AGXT2: variants seen among roughly 807,000 people sequenced by gnomAD.
AGXT2 encodes the protein alanine--glyoxylate aminotransferase 2.
In AGXT2, 61 loss-of-function variants were observed where a neutral mutation model predicts 62.5. The observed-to-expected ratio is 0.98, with a 90% confidence interval of 0.79 to 1.21. The LOEUF is 1.21. Ranked by LOEUF, AGXT2 falls within the 50% of genes most tolerant of loss-of-function variation. The probability of loss-of-function intolerance (pLI) is 0.00; values close to 1 mark genes in which losing one functional copy is unlikely to be tolerated. For missense variants in AGXT2, 666 were observed against 641.5 expected (o/e 1.04, Z -0.41); for synonymous variants, 243 against 218.7 (o/e 1.11, Z -0.98).
At chr5:35,014,250 A>T (rs1766760826) in intron 9 of AGXT2, 131 bp from the exon 10 acceptor site, 1 of 1,229,434 alleles carries the variant, frequency 8.1e-7, no homozygotes, top group Admixed American at 1.9e-5. Flanking sequence ...TCAGGAGTTC[A>T]AGACCAGCCT....
In AGXT2 at chr5:35,037,026, C is replaced by T; in HGVS notation, c.402G>A (p.Leu134=). 1.9e-6 allele frequency: 3 copies of T among 1,614,222 alleles called. 1 individual carries two copies. The South Asian group carries it at 3.3e-5, about 18-fold the overall frequency. ...NAVAQKQLGR[L]WHTSTVFFHP... is the part of the protein sequence containing the mutation. ...GGAAGAAGACGGTGCTTGTATGCCA[C>T]AGGCGGCCGAGCTGCTTTTGTGCCA... The change falls in exon 4 of 14, where the codon CTG becomes CTA. Residue 134 remains leucine, a synonymous_variant. Coordinates refer to ENST00000231420, the MANE Select transcript of AGXT2 (RefSeq NM_031900.4).
chr5:35,015,461 CTCTG>C (rs1023991786), intron 9 of AGXT2, among the ~76,000 whole-genome samples: 25 of 152,276 alleles, frequency 1.6e-4, no homozygotes, highest in Admixed American at 5.9e-4. Context: ...CTGCCTGTCT[CTCTG>C]TCTGTCTGTC....
chr5:35,000,636 C>T (rs565379906), intron 13 of AGXT2, among the ~76,000 whole-genome samples: 1 of 152,218 alleles, frequency 6.6e-6, no homozygotes, highest in African/African-American at 2.4e-5. Flanking sequence ...CCGCTTCGGC[C>T]TCCCAAAGTG....
In AGXT2 at chr5:35,040,577, G is replaced by A. The variant is rs770305070; in HGVS notation, c.175C>T (p.Gln59Ter). Residue 59 changes from glutamine to a stop codon, truncating the protein, a stop_gained and splice_region_variant, in exon 2 of 14, where the codon CAG becomes TAG. Coordinates refer to ENST00000231420, the MANE Select transcript of AGXT2 (RefSeq NM_031900.4). LOFTEE classifies it high-confidence loss of function. ...PPCDFMPERY[Q>*]SLGYNRVLEI... ...TTTCTTAAAGCCCTGAATCTCACCT[G>A]GTATCTTTCAGGCATGAAGTCACAT... The A allele has an allele frequency of 1.2e-6, 2 of 1,613,010 alleles. No homozygotes were observed.
chr5:35,021,910 G>A (rs1005410021), intron 9 of AGXT2, among the ~76,000 whole-genome samples: 4 of 152,150 alleles, frequency 2.6e-5, no homozygotes, highest in African/African-American at 7.2e-5. Flanking sequence ...ACAATTGGGT[G>A]AAGGATATGA....
intron 9 of AGXT2, among the ~76,000 whole-genome samples, chr5:35,023,025 G>C (rs1767172656): frequency 6.6e-6 from 1 of 150,524 alleles, no homozygotes; most frequent in South Asian, 2.1e-4. Context: ...TTTAATTAGT[G>C]AGTTTACTTT....
At chr5:35,011,176 G>C (rs1766624631) in intron 11 of AGXT2, among the ~76,000 whole-genome samples, 1 of 152,122 alleles carries the variant, frequency 6.6e-6, no homozygotes, top group African/African-American at 2.4e-5. Flanking sequence ...CTTTTTAAAA[G>C]AAGTTGGCAA....
At chr5:35,029,381 G>T (rs1249637499) in intron 7 of AGXT2, among the ~76,000 whole-genome samples, 1 of 152,238 alleles carries the variant, frequency 6.6e-6, no homozygotes, top group African/African-American at 2.4e-5. Flanking sequence ...AAAAGGTTTT[G>T]CCTGAACCTA....
Position 35,033,568 on chromosome 5 carries a change from C to A in AGXT2, c.582-15G>T, listed in dbSNP as rs1328250960. On this transcript the variant is annotated splice_polypyrimidine_tract_variant and intron_variant, in intron 5 of 13. Coordinates refer to ENST00000231420, the MANE Select transcript of AGXT2 (RefSeq NM_031900.4). Reference sequence around the variant, plus strand: ...GGTAGGCTCCTCTGCAGAGAAGAAACAACAGGAGGATGGGGTCAAGTTCCT... The same window carrying A: ...GGTAGGCTCCTCTGCAGAGAAGAAAAAACAGGAGGATGGGGTCAAGTTCCT... The A allele has an allele frequency of 6.2e-7, 1 of 1,606,464 alleles. No individual in the cohort carries two copies. The highest frequency in any genetic ancestry group is 8.5e-7 in the Non-Finnish European group (1 of 1,173,334).
intron 7 of AGXT2, among the ~76,000 whole-genome samples, chr5:35,028,558 TGAGAGAGAGAGAGAGAGAGAGAGAGAGA>T (rs541190371): frequency 2.2e-3 from 23 of 10,612 alleles, no homozygotes; most frequent in African/African-American, 5.0e-3. Flanking sequence ...GCAGGAAAGG[TGAGAGAGAGAGAGAGAGAGAGAGAGAGA>T]GAGAGAGAGA....
intron 1 of AGXT2, among the ~76,000 whole-genome samples, chr5:35,041,223 CAA>C (rs3034208): frequency 4.1e-4 from 21 of 51,398 alleles, no homozygotes; most frequent in African/African-American, 7.2e-4. Flanking sequence ...CTCCCCCCGC[CAA>C]AAAAAAAAAA....
Position 35,035,334 on chromosome 5 carries a change from A to G in AGXT2, c.487-18T>C, listed in dbSNP as rs1030122111. 1.2e-6 allele frequency: 2 copies of G among 1,602,102 alleles called. No individual in the cohort carries two copies. Among genetic ancestry groups the G allele is most frequent in the African/African-American group, 1.3e-5 (1 of 74,816 alleles). ...AAAATGACCTGGAGAGGAAAGGAAG[A>G]CACGTGGCCTCATAATTTATTTCCT... On this transcript the variant is annotated intron_variant, in intron 4 of 13. Coordinates refer to ENST00000231420, the MANE Select transcript of AGXT2 (RefSeq NM_031900.4).
chr5:35,021,009 C>T (rs917525355), intron 9 of AGXT2, among the ~76,000 whole-genome samples: 1 of 152,168 alleles, frequency 6.6e-6, no homozygotes, highest in Non-Finnish European at 1.5e-5. Flanking sequence ...AGGAGTCCAA[C>T]TTACAAGGGA....
chr5:35,047,788 C>T lies in AGXT2; in HGVS notation c.88+17G>A, dbSNP rs748609769. The T allele has an allele frequency of 4.8e-5, 78 of 1,613,628 alleles. No homozygotes were observed. Among genetic ancestry groups the T allele is most frequent in the Admixed American group, 8.3e-5 (5 of 59,982 alleles). On this transcript the variant is annotated intron_variant, in intron 1 of 13. Transcript: ENST00000231420. ...GCTGATCCTCTACTGACCCACGTCC[C>T]CCTGGTTTCCACTTACGGCTCAGGA...
rs760850376 is a variant in AGXT2, at chr5:34,998,831, G to A, written c.1438-5C>T. ...TGAGGGCGCAATGCGAAATGTCTGA[G>A]GAGACACCAAAAAATAAGAAAACAA... On this transcript the variant is annotated splice_polypyrimidine_tract_variant and splice_region_variant and intron_variant, in intron 13 of 13. Coordinates refer to ENST00000231420, the MANE Select transcript of AGXT2 (RefSeq NM_031900.4). 5 of 1,593,786 alleles carry A rather than the reference G, an allele frequency of 3.1e-6. No individual in the cohort carries two copies. Among genetic ancestry groups the A allele is most frequent in the African/African-American group, 1.3e-5 (1 of 74,546 alleles).
intron 12 of AGXT2, 123 bp from the exon 13 acceptor site, chr5:35,003,984 TC>T: frequency 1.2e-6 from 1 of 822,448 alleles, no homozygotes; most frequent in Non-Finnish European, 2.0e-6. Context: ...TCTCTCTCCC[TC>T]TTTCTCTCTG....
chr5:35,010,517 T>TAA lies in AGXT2; in HGVS notation c.1189-370_1189-369dup, dbSNP rs201418531. On this transcript the variant is annotated intron_variant, in intron 11 of 13. Coordinates refer to ENST00000231420, the MANE Select transcript of AGXT2 (RefSeq NM_031900.4). ...ATAGGGTGAAACCCCGTCTCTACTT[T>TAA]AAAAAAAAAATACAAAAATTAGCAG... Among the ~76,000 whole-genome samples the TAA allele has an allele frequency of 1.0e-4, 15 of 148,882 alleles. No homozygotes were observed. In the South Asian group the frequency reaches 3.0e-3, roughly 30 times the overall value.
Position 35,034,505 on chromosome 5 carries a change from A to G in AGXT2, c.581+717T>C, listed in dbSNP as rs1012741897. Among the ~76,000 whole-genome samples, 36 of 152,304 alleles carry G rather than the reference A, an allele frequency of 2.4e-4. 1 individual carries two copies. Among genetic ancestry groups the G allele is most frequent in the African/African-American group, 7.0e-4 (29 of 41,586 alleles). On this transcript the variant is annotated intron_variant, in intron 5 of 13. Transcript: ENST00000231420. ...TATAACCAGACAGCTTAAAAATGCA[A>G]CTGTTTATTCATTCCATCAACTTTT...
In AGXT2 at chr5:35,032,731, C is replaced by A; in HGVS notation, c.769+1G>T. ...CTGGCACCCCCCTTGCCCAGTCGGA[C>A]CTGGTGCACAGCTGCACTTCCTGAT... is the stretch of plus-strand genomic sequence containing the variant. On this transcript the variant is annotated splice_donor_variant, in intron 7 of 13. Transcript: ENST00000231420. LOFTEE classifies it high-confidence loss of function. The A allele has an allele frequency of 6.2e-7, 1 of 1,604,752 alleles. No homozygotes were observed. Among genetic ancestry groups the A allele is most frequent in the South Asian group, 1.1e-5 (1 of 89,200 alleles).
Sources: allele counts gnomAD v4.1 joint callset (sites outside exome capture counted in the v4.1 genomes callset), GRCh38; gene constraint gnomAD v4.1.1; transcripts MANE v1.5; gene names NCBI Gene and HGNC (gene_info 2026-07-23, HGNC 2026-07-21).